The following AK5 variants were observed in gnomAD, a reference collection of about 807,000 sequenced individuals.
The protein encoded by AK5 is adenylate kinase isoenzyme 5.
In AK5, 27 loss-of-function variants were observed where a neutral mutation model predicts 69.5. That is an observed-to-expected ratio of 0.39 (90% CI 0.29 to 0.54). The LOEUF (loss-of-function observed/expected upper bound fraction) is 0.54, where lower values mean the gene tolerates loss of function less well. Ranked by LOEUF, AK5 falls within the 20% of genes least tolerant of loss-of-function variation. AK5 has a pLI of 0.71. For missense variants in AK5, 531 were observed against 700.4 expected (o/e 0.76, Z 2.73); for synonymous variants, 260 against 244.4 (o/e 1.06, Z -0.60).
At chr1:77,324,980 C>CTTTTTTTTTTTTTTTTTTTTTTTG (rs374298984) in intron 5 of AK5, among the ~76,000 whole-genome samples, 1 of 139,198 alleles carries the variant, frequency 7.2e-6, no homozygotes, top group African/African-American at 2.7e-5. Context: ...TTACGAGCTA[C>CTTTTTTTTTTTTTTTTTTTTTTTG]TTTTTTTTTT....
chr1:77,523,927 A>G (rs1040750694), intron 12 of AK5, among the ~76,000 whole-genome samples: 12 of 152,074 alleles, frequency 7.9e-5, no homozygotes, highest in Admixed American at 1.3e-4. Flanking sequence ...CAGCCTCCCA[A>G]AGTGCTGGGA....
intron 5 of AK5, among the ~76,000 whole-genome samples, chr1:77,302,345 A>T (rs553536101): frequency 6.6e-6 from 1 of 152,332 alleles, no homozygotes; most frequent in Admixed American, 6.5e-5. Context: ...TAGTAACTAT[A>T]TCATAAGTCC....
rs969256246 is a variant in AK5 at position 77,559,903 on chromosome 1, ATTTT to A, written c.*1236_*1239del. The A allele has an allele frequency of 2.0e-5, 3 of 151,274 alleles. No homozygotes were observed. Among genetic ancestry groups the A allele is most frequent in the Non-Finnish European group, 3.0e-5 (2 of 67,746 alleles). The allele number at this position is 151,274 out of a possible 1,614,324, so 9.4% of individuals were successfully genotyped here. ...GGATCCATTTCTGGGATAGAATTGT[ATTTT>A]TTAAGTCATTTTTTTTTCTTGAAAT... On this transcript the variant is annotated 3_prime_UTR_variant, in exon 14 of 14. Coordinates refer to ENST00000354567, the MANE Select transcript of AK5 (RefSeq NM_174858.3).
chr1:77,303,300 G>T (rs1331088838), intron 5 of AK5, among the ~76,000 whole-genome samples: 1 of 152,130 alleles, frequency 6.6e-6, no homozygotes, highest in Non-Finnish European at 1.5e-5. Context: ...ACCTCAAAAA[G>T]CTTTCATTTA....
chr1:77,292,837 A>G, intron 2 of AK5, among the ~76,000 whole-genome samples: 1 of 152,186 alleles, frequency 6.6e-6, no homozygotes, highest in East Asian at 1.9e-4. Flanking sequence ...AATGTAATTC[A>G]TTAAATTACC....
intron 10 of AK5, among the ~76,000 whole-genome samples, chr1:77,491,467 C>T (rs1454042495): frequency 2.0e-5 from 3 of 151,940 alleles, no homozygotes; most frequent in Admixed American, 6.6e-5. Context: ...CCATGGCGCC[C>T]GGCTAATTTT....
At chr1:77,454,735 G>T (rs115984613) in intron 8 of AK5, among the ~76,000 whole-genome samples, 1 of 151,994 alleles carries the variant, frequency 6.6e-6, no homozygotes, top group African/African-American at 2.4e-5. Flanking sequence ...ATTTCATCTC[G>T]CACACAAATA....
chr1:77,555,289 A>C (rs1660042582), intron 13 of AK5, among the ~76,000 whole-genome samples: 1 of 152,132 alleles, frequency 6.6e-6, no homozygotes. Flanking sequence ...AAAAACAAAA[A>C]ACAAACAAAA....
In AK5 at chr1:77,282,211, G is replaced by A. The variant is rs575287320; in HGVS notation, c.-103G>A. On this transcript the variant is annotated 5_prime_UTR_variant, in exon 1 of 14. Coordinates refer to ENST00000354567, the MANE Select transcript of AK5 (RefSeq NM_174858.3). The stretch of plus-strand genomic sequence containing the variant: ...TGCGCGTGAGAAAGAGGGCTGCACC[G>A]CTGCTCGGCGCGGACTCTGCCAGCC... 8.0e-6 allele frequency: 9 copies of A among 1,121,442 alleles called. No homozygotes were observed. Among genetic ancestry groups the A allele is most frequent in the Admixed American group, 2.5e-5 (1 of 39,482 alleles). The allele number at this position is 1,121,442 out of a possible 1,614,324, so 69.5% of individuals were successfully genotyped here.
At chr1:77,393,538 T>C (rs995836210) in intron 6 of AK5, among the ~76,000 whole-genome samples, 6 of 152,218 alleles carry the variant, frequency 3.9e-5, no homozygotes, top group African/African-American at 1.4e-4. Flanking sequence ...GATATGTAAG[T>C]CATTTTGGAC....
intron 6 of AK5, 111 bp downstream of exon 6, chr1:77,340,679 G>A: frequency 2.1e-6 from 2 of 969,574 alleles, no homozygotes; most frequent in Non-Finnish European, 3.0e-6. Flanking sequence ...GGCTTTTGGG[G>A]GGTACAGAAC....
intron 10 of AK5, among the ~76,000 whole-genome samples, chr1:77,491,304 A>ATTTTTTTTTTTTTT (rs10700619): frequency 4.6e-5 from 4 of 87,368 alleles, no homozygotes; most frequent in South Asian, 3.5e-4. Context: ...CATGAATTGA[A>ATTTTTTTTTTTTTT]TTTTTTTTTT....
chr1:77,427,771 C>T (rs911700020), intron 8 of AK5, among the ~76,000 whole-genome samples: 1 of 152,226 alleles, frequency 6.6e-6, no homozygotes, highest in Non-Finnish European at 1.5e-5. Flanking sequence ...AAACTTGAAG[C>T]TTTCCTGCTT....
chr1:77,554,771 AT>A lies in AK5; in HGVS notation c.1621-3813del, dbSNP rs1230738530. On this transcript the variant is annotated intron_variant, in intron 13 of 13. Coordinates refer to ENST00000354567, the MANE Select transcript of AK5 (RefSeq NM_174858.3). ...CAGGCGCCCGCCACCATGCCCGGCTATTTTTTTTTTTTTTTTTTGTATTTTT... is the reference window on the plus strand; with the variant it reads ...CAGGCGCCCGCCACCATGCCCGGCTATTTTTTTTTTTTTTTTTGTATTTTT... Among the ~76,000 whole-genome samples the A allele has an allele frequency of 5.0e-3, 594 of 119,660 alleles. 6 individuals are homozygous for A. Among genetic ancestry groups the A allele is most frequent in the African/African-American group, 0.014 (426 of 30,984 alleles). 78.5% of individuals were successfully genotyped at this position (119,660 alleles called of 152,430 possible).
At chr1:77,403,429 G>A (rs1004504664) in intron 6 of AK5, among the ~76,000 whole-genome samples, 7 of 151,978 alleles carry the variant, frequency 4.6e-5, no homozygotes, top group South Asian at 4.2e-4. Context: ...TATGGTTTTA[G>A]GTCTAACATT....
intron 10 of AK5, among the ~76,000 whole-genome samples, chr1:77,500,150 C>T (rs1656625843): frequency 6.6e-6 from 1 of 151,958 alleles, no homozygotes; most frequent in Non-Finnish European, 1.5e-5. Context: ...TGAGGCATGG[C>T]TATTTTTAAG....
In AK5 at chr1:77,558,732, C is replaced by A; in HGVS notation, c.*62C>A. The A allele has an allele frequency of 8.4e-7, 1 of 1,191,302 alleles. No individual in the cohort carries two copies. Among genetic ancestry groups the A allele is most frequent in the Non-Finnish European group, 1.3e-6 (1 of 799,700 alleles). The allele number at this position is 1,191,302 out of a possible 1,614,324, so 73.8% of individuals were successfully genotyped here. A position where few individuals can be genotyped will look rare whatever the true frequency, so the allele number is the denominator to read the frequency against. Reference sequence around the variant, plus strand: ...AAACATTAAAAAGTTCATTCCTTAACACAATGTTTCAAGTTAAACCTTTTG... The same window carrying A: ...AAACATTAAAAAGTTCATTCCTTAAAACAATGTTTCAAGTTAAACCTTTTG... On this transcript the variant is annotated 3_prime_UTR_variant, in exon 14 of 14. Coordinates refer to ENST00000354567, the MANE Select transcript of AK5 (RefSeq NM_174858.3).
At chr1:77,424,691 G>A (rs1651081076) in intron 8 of AK5, among the ~76,000 whole-genome samples, 1 of 152,168 alleles carries the variant, frequency 6.6e-6, no homozygotes, top group Non-Finnish European at 1.5e-5. Flanking sequence ...CTGAGCTTGA[G>A]TATATGACAA....
intron 6 of AK5, chr1:77,371,428 G>A (rs1647120825): frequency 6.6e-6 from 1 of 152,186 alleles, no homozygotes; most frequent in South Asian, 2.1e-4. Flanking sequence ...GTGCTATTTG[G>A]AAAGGGGGTT....
Sources: allele counts gnomAD v4.1 joint callset (sites outside exome capture counted in the v4.1 genomes callset), GRCh38; gene constraint gnomAD v4.1.1; transcripts MANE v1.5; gene names NCBI Gene and HGNC (gene_info 2026-07-23, HGNC 2026-07-21).